SGTA: variants seen among roughly 807,000 people sequenced by gnomAD.
SGTA encodes the protein small glutamine rich tetratricopeptide repeat co-chaperone alpha.
Under a neutral mutation model 44.3 loss-of-function variants are expected in SGTA, and 22 were observed. That is an observed-to-expected ratio of 0.50 (90% CI 0.36 to 0.71). The LOEUF (loss-of-function observed/expected upper bound fraction) is 0.71, where lower values mean the gene tolerates loss of function less well. Among genes scored for constraint, SGTA ranks in the 30% least tolerant of loss-of-function variants. The probability of loss-of-function intolerance (pLI) is 0.00; values close to 1 mark genes in which losing one functional copy is unlikely to be tolerated. For missense variants in SGTA, 341 were observed against 435.9 expected (o/e 0.78, Z 1.94); for synonymous variants, 174 against 177.6 (o/e 0.98, Z 0.16).
At chr19:2,774,354 C>A (rs1191172554) in intron 1 of SGTA, among the ~76,000 whole-genome samples, 2 of 152,304 alleles carry the variant, frequency 1.3e-5, no homozygotes, top group Middle Eastern at 3.4e-3. Context: ...CAGTGAAGGG[C>A]GGTGGCCGAG....
intron 1 of SGTA, among the ~76,000 whole-genome samples, chr19:2,781,904 T>C (rs1915584766): frequency 6.6e-6 from 1 of 150,830 alleles, no homozygotes; most frequent in South Asian, 2.1e-4. Context: ...TGCAGTGGCA[T>C]GATGTTGGGT....
intron 1 of SGTA, among the ~76,000 whole-genome samples, chr19:2,771,334 G>C (rs1387135537): frequency 6.6e-6 from 1 of 152,116 alleles, no homozygotes; most frequent in African/African-American, 2.4e-5. Context: ...TGAGGCAGGA[G>C]AATCACTTGA....
chr19:2,773,729 CGGGG>C, intron 1 of SGTA, among the ~76,000 whole-genome samples: 1 of 56,144 alleles, frequency 1.8e-5, no homozygotes, highest in African/African-American at 1.6e-4. Flanking sequence ...GGCCACACGG[CGGGG>C]ACACCGAGGG....
chr19:2,757,054 C>T (rs1914838631), intron 11 of SGTA, among the ~76,000 whole-genome samples: 1 of 152,180 alleles, frequency 6.6e-6, no homozygotes, highest in Non-Finnish European at 1.5e-5. Flanking sequence ...GGAGCTGTGG[C>T]TCTCCCCTAA....
At chr19:2,781,856 A>T (rs1640264) in intron 1 of SGTA, among the ~76,000 whole-genome samples, 145,055 of 148,334 alleles carry the variant, frequency 0.98, 70,890 homozygotes, top group East Asian at 1. Flanking sequence ...TTTTTTTTTT[A>T]TTTTTGACAG....
At chr19:2,766,312 G>A (rs1356138211) in intron 4 of SGTA, among the ~76,000 whole-genome samples, 1 of 152,182 alleles carries the variant, frequency 6.6e-6, no homozygotes, top group Non-Finnish European at 1.5e-5. Context: ...ATCTGCGCTG[G>A]GGCCTGGGTC....
chr19:2,774,056 G>T (rs1915384946), intron 1 of SGTA, among the ~76,000 whole-genome samples: 1 of 152,204 alleles, frequency 6.6e-6, no homozygotes, highest in Non-Finnish European at 1.5e-5. Flanking sequence ...CAAGGAACGA[G>T]CCCCGACAGA....
intron 8 of SGTA, 193 bp from the exon 9 acceptor site, chr19:2,759,487 C>T (rs1369125836): frequency 1.7e-6 from 1 of 586,680 alleles, no homozygotes; most frequent in East Asian, 2.8e-5. Context: ...GTGACCTCCA[C>T]ATTGTGACTT....
At position 2,763,724 on chromosome 19, in the gene SGTA, T is replaced by C; in HGVS notation, c.426A>G (p.Ala142=). Residue 142 remains alanine (A), a synonymous_variant, in exon 6 of 12, where the codon GCA becomes GCG. Coordinates refer to ENST00000221566, the MANE Select transcript of SGTA (RefSeq NM_003021.4). The surrounding 1 kb of genome is among the most constrained non-coding windows in gnomAD (Gnocchi z 5.8). The part of the protein sequence containing the change: ...AAAYSKLGNY[A]GAVQDCERAI... ...CCCGCTCACAGTCCTGCACCGCGCC[T>C]GCGTAGTTGCCGAGTTTGCTGTAGG... 1 of 1,613,762 alleles carries C rather than the reference T, an allele frequency of 6.2e-7. No individual in the cohort carries two copies. The highest frequency in any genetic ancestry group is 1.7e-4 in the Middle Eastern group (1 of 6,000).
intron 1 of SGTA, among the ~76,000 whole-genome samples, chr19:2,782,855 C>T (rs1315820787): frequency 6.6e-6 from 1 of 152,176 alleles, no homozygotes; most frequent in East Asian, 1.9e-4. Context: ...ACCAGAGTTC[C>T]GACTTCAGTC....
chr19:2,780,222 C>T (rs1287129874), intron 1 of SGTA, among the ~76,000 whole-genome samples: 1 of 152,138 alleles, frequency 6.6e-6, no homozygotes, highest in African/African-American at 2.4e-5. Context: ...TAGGAAGGGC[C>T]CGCTCTTACC....
In SGTA at chr19:2,761,058, C is replaced by T. The variant is rs1313881985; in HGVS notation, c.699+402G>A. On this transcript the variant is annotated intron_variant, in intron 8 of 11. Coordinates refer to ENST00000221566, the MANE Select transcript of SGTA (RefSeq NM_003021.4). The surrounding 1 kb of genome is among the most constrained non-coding windows in gnomAD (Gnocchi z 5.7). Reference sequence around the variant, plus strand: ...CGCACCCGGCGCTCTGCTTCCCTTGCCTGAACCTTAGGAGGCAGACGCTGC... The same window carrying T: ...CGCACCCGGCGCTCTGCTTCCCTTGTCTGAACCTTAGGAGGCAGACGCTGC... 6.6e-6 allele frequency among the ~76,000 whole-genome samples: 1 copy of T among 152,232 alleles called. No individual in the cohort carries two copies. The highest frequency in any genetic ancestry group is 1.5e-5 in the Non-Finnish European group (1 of 68,032).
Position 2,763,116 on chromosome 19 carries a change from G to A in SGTA, c.498-472C>T, listed in dbSNP as rs375890972. 4.9e-3 allele frequency among the ~76,000 whole-genome samples: 741 copies of A among 152,304 alleles called. 8 individuals are homozygous for A. The highest frequency in any genetic ancestry group is 0.017 in the African/African-American group (690 of 41,576). On this transcript the variant is annotated intron_variant, in intron 6 of 11. Coordinates refer to ENST00000221566, the MANE Select transcript of SGTA (RefSeq NM_003021.4). The surrounding 1 kb of genome is among the most constrained non-coding windows in gnomAD (Gnocchi z 5.8). Reference sequence around the variant, plus strand: ...GGGCCCCTACAGAGCCCAGGAGGAGGCGGGTCCTGGGGAGACTGGGCAGTT... The same window carrying A: ...GGGCCCCTACAGAGCCCAGGAGGAGACGGGTCCTGGGGAGACTGGGCAGTT...
At chr19:2,758,084 C>T (rs947917720) in intron 9 of SGTA, among the ~76,000 whole-genome samples, 12 of 152,186 alleles carry the variant, frequency 7.9e-5, no homozygotes, top group Admixed American at 2.0e-4. Context: ...GATTGGGTTA[C>T]GCCAAGACAG....
At chr19:2,780,623 C>T (rs1346172049) in intron 1 of SGTA, among the ~76,000 whole-genome samples, 1 of 152,204 alleles carries the variant, frequency 6.6e-6, no homozygotes, top group African/African-American at 2.4e-5. Context: ...GCATCTCTTA[C>T]AAGGCTTTCT....
intron 1 of SGTA, 77 bp downstream of exon 1, chr19:2,783,156 T>TA (rs1915609471): frequency 6.6e-6 from 1 of 152,170 alleles, no homozygotes; most frequent in Admixed American, 6.5e-5. Context: ...CCCAAACTCT[T>TA]ACGAGCTTTG....
chr19:2,767,297 C>T lies in SGTA; in HGVS notation c.208-77G>A, dbSNP rs921475170. Reference sequence around the variant, plus strand: ...CCTCCGGCCTTAGCTTCCCTCGGGACGCCAGAGAGGGCCACCAAGTTCCGA... The same window carrying T: ...CCTCCGGCCTTAGCTTCCCTCGGGATGCCAGAGAGGGCCACCAAGTTCCGA... On this transcript the variant is annotated intron_variant, in intron 3 of 11. Transcript: ENST00000221566. This position sits in a 1 kb window ranked among gnomAD's most constrained non-coding sequence, Gnocchi z 7.3. 3.9e-5 allele frequency: 46 copies of T among 1,192,630 alleles called. No individual in the cohort carries two copies. Among genetic ancestry groups the T allele is most frequent in the African/African-American group, 6.0e-5 (4 of 66,374 alleles). The allele number at this position is 1,192,630 out of a possible 1,614,324, so 73.9% of individuals were successfully genotyped here.
In SGTA at chr19:2,757,362, T is replaced by C; in HGVS notation, c.923A>G (p.Asn308Ser). The C allele has an allele frequency of 6.2e-7, 1 of 1,604,118 alleles. No individual in the cohort carries two copies. Among genetic ancestry groups the C allele is most frequent in the Non-Finnish European group, 8.5e-7 (1 of 1,179,834 alleles). ...QIRSRTPSAS[N>S]DDQQE ...GCAGCGTCACTCCTGCTGGTCGTCG[T>C]TGCTGGCGCTGGGCGTCCGACTCCG... The change falls in exon 11 of 12, where the codon AAC becomes AGC. Residue 308 changes from asparagine (N) to serine (S), a missense_variant. Coordinates refer to ENST00000221566, the MANE Select transcript of SGTA (RefSeq NM_003021.4).
At chr19:2,758,684 C>T (rs1448695131) in intron 9 of SGTA, among the ~76,000 whole-genome samples, 3 of 152,158 alleles carry the variant, frequency 2.0e-5, no homozygotes, top group Non-Finnish European at 4.4e-5. Flanking sequence ...GATTGCACAC[C>T]CGTGCTCAAG....
Sources: allele counts gnomAD v4.1 joint callset (sites outside exome capture counted in the v4.1 genomes callset), GRCh38; gene constraint gnomAD v4.1.1; non-coding constraint Gnocchi (gnomAD v3.1); transcripts MANE v1.5; gene names NCBI Gene and HGNC (gene_info 2026-07-23, HGNC 2026-07-21).